HYDIN: variants seen among roughly 807,000 people sequenced by gnomAD.
HYDIN encodes the protein axonemal central pair apparatus protein HYDIN.
HYDIN carries 132 observed loss-of-function variants against 403.9 expected under a neutral mutation model. The observed-to-expected ratio is 0.33, with a 90% confidence interval of 0.28 to 0.38. HYDIN has a LOEUF of 0.38. Ranked by LOEUF, HYDIN falls within the 10% of genes least tolerant of loss-of-function variation. HYDIN has a pLI of 1.00. For synonymous variants in HYDIN, 1,202 were observed against 1,891.7 expected (o/e 0.64, Z 9.46); for missense variants, 2,827 against 5,009.5 (o/e 0.56, Z 13.15).
intron 84 of HYDIN, among the ~76,000 whole-genome samples, chr16:70,816,299 AT>A (rs987090878): frequency 6.6e-6 from 1 of 152,188 alleles, no homozygotes; most frequent in African/African-American, 2.4e-5. Context: ...AACTAGAAAA[AT>A]CCACATGTTC....
chr16:71,102,285 T>C (rs2083480189), intron 10 of HYDIN, among the ~76,000 whole-genome samples: 1 of 152,068 alleles, frequency 6.6e-6, no homozygotes, highest in Non-Finnish European at 1.5e-5. Context: ...CACAGTTGTT[T>C]ATCTTACTAT....
intron 20 of HYDIN, chr16:71,027,265 A>C (rs1358196744): frequency 8.3e-7 from 1 of 1,202,964 alleles, no homozygotes. Context: ...TTTTGAATGA[A>C]TATTAAATTC....
intron 62 of HYDIN, among the ~76,000 whole-genome samples, chr16:70,877,715 G>A (rs1344652826): frequency 6.6e-6 from 1 of 152,092 alleles, no homozygotes; most frequent in East Asian, 1.9e-4. Context: ...GTGAGTGATG[G>A]GGTGTGGCTG....
chr16:71,133,692 T>C (rs867718052), intron 8 of HYDIN, among the ~76,000 whole-genome samples: 2 of 152,104 alleles, frequency 1.3e-5, no homozygotes, highest in Admixed American at 6.5e-5. Flanking sequence ...TTAAAGCCCA[T>C]GCCAAGTCTC....
At chr16:71,094,784 T>C (rs1341541173) in intron 10 of HYDIN, among the ~76,000 whole-genome samples, 1 of 152,222 alleles carries the variant, frequency 6.6e-6, no homozygotes, top group African/African-American at 2.4e-5. Context: ...CAATGTGCCT[T>C]CTGTATTTGT....
intron 15 of HYDIN, 186 bp downstream of exon 15, chr16:71,067,104 C>T (rs966873959): frequency 1.7e-6 from 1 of 601,066 alleles, no homozygotes; most frequent in Admixed American, 2.9e-5. Flanking sequence ...TTCTTCTTAT[C>T]TCCACCAAAG....
intron 75 of HYDIN, among the ~76,000 whole-genome samples, chr16:70,844,768 T>G (rs1443414997): frequency 7.0e-6 from 1 of 143,064 alleles, no homozygotes; most frequent in African/African-American, 2.6e-5. Context: ...ACATCCCTTG[T>G]AAGTTGGATT....
At chr16:70,863,865 C>G (rs2039561628) in intron 67 of HYDIN, among the ~76,000 whole-genome samples, 4 of 152,038 alleles carry the variant, frequency 2.6e-5, no homozygotes, top group Admixed American at 2.6e-4. Flanking sequence ...GAGCGAGACT[C>G]TGTCGAAAGA....
At chr16:71,012,643 C>A (rs2080126801) in intron 23 of HYDIN, among the ~76,000 whole-genome samples, 1 of 152,178 alleles carries the variant, frequency 6.6e-6, no homozygotes, top group South Asian at 2.1e-4. Flanking sequence ...TCTAGGCGAC[C>A]TCAGACCTAT....
rs4788601 is a variant in HYDIN, at chr16:70,960,971, G to A, written c.5968+988C>T. On this transcript the variant is annotated intron_variant, in intron 38 of 85. Coordinates refer to ENST00000393567, the MANE Select transcript of HYDIN (RefSeq NM_001270974.2). ...CTCCCAAAGTGCTGGAATTACAGGC[G>A]TGAGCCACCTTGCCCGGCCTAGCTC... is the stretch of plus-strand genomic sequence containing the variant. Among the ~76,000 whole-genome samples the A allele has an allele frequency of 7.2e-5, 11 of 152,374 alleles. No homozygotes were observed. In the South Asian group the frequency reaches 8.3e-4, roughly 11 times the overall value.
At chr16:70,922,864 C>T (rs1423146981) in intron 45 of HYDIN, among the ~76,000 whole-genome samples, 3 of 137,966 alleles carry the variant, frequency 2.2e-5, no homozygotes, top group African/African-American at 8.2e-5. Context: ...ATTTTCTGGG[C>T]TCGGTAATTC....
At position 71,073,419 on chromosome 16, in the gene HYDIN, C is replaced by T. The variant is rs140788311; in HGVS notation, c.1739-3917G>A. Reference sequence around the variant, plus strand: ...CTGTGATCATTACAATCCGGTTTTGCTCCCGACTCCCTACTTTACACCCTC... The same window carrying T: ...CTGTGATCATTACAATCCGGTTTTGTTCCCGACTCCCTACTTTACACCCTC... On this transcript the variant is annotated intron_variant, in intron 13 of 85. Transcript: ENST00000393567. 6.9e-3 allele frequency among the ~76,000 whole-genome samples: 1,049 copies of T among 152,238 alleles called. 6 individuals carry two copies. The highest frequency in any genetic ancestry group is 0.024 in the African/African-American group (1,004 of 41,538).
In HYDIN at chr16:70,961,980, G is replaced by A. The variant is rs1432083452; in HGVS notation, c.5947C>T (p.Leu1983=). 3.2e-6 allele frequency: 4 copies of A among 1,265,796 alleles called. No individual in the cohort carries two copies. In the South Asian group the frequency reaches 6.7e-5, roughly 21 times the overall value. The allele number at this position is 1,265,796 out of a possible 1,614,324, so 78.4% of individuals were successfully genotyped here. Residue 1983 remains leucine, a synonymous_variant, in exon 38 of 86, where the codon CTG becomes TTG. Transcript: ENST00000393567. ...YLEEEEDEES[L]EKIIFQTDKL... ...TTACTTTGGAAAATGATTTTTTCCA[G>A]GCTTTCCTCATCCTCCTCTTCCTCT...
chr16:70,929,945 G>A (rs1004424819), intron 45 of HYDIN, among the ~76,000 whole-genome samples: 60 of 152,328 alleles, frequency 3.9e-4, no homozygotes, highest in Non-Finnish European at 5.6e-4. Context: ...GTTCTCATGC[G>A]TGGGAATGAA....
intron 19 of HYDIN, 101 bp downstream of exon 19, chr16:71,031,578 C>T (rs2080913332): frequency 6.8e-6 from 9 of 1,331,104 alleles, no homozygotes; most frequent in Non-Finnish European, 8.0e-6. Flanking sequence ...ACTGAGGTGG[C>T]TAGTTTTAAT....
intron 23 of HYDIN, among the ~76,000 whole-genome samples, chr16:70,996,791 C>T (rs1973625): frequency 1.3e-5 from 2 of 150,578 alleles, no homozygotes; most frequent in Non-Finnish European, 3.0e-5. Context: ...TGCAAAGCAG[C>T]GGTCCCCAAC....
At chr16:71,222,001 C>A (rs1277044167) in intron 1 of HYDIN, among the ~76,000 whole-genome samples, 1 of 152,082 alleles carries the variant, frequency 6.6e-6, no homozygotes, top group Non-Finnish European at 1.5e-5. Flanking sequence ...TATTTTTGTA[C>A]CTCATTTCTA....
intron 1 of HYDIN, among the ~76,000 whole-genome samples, chr16:71,195,395 A>G (rs1193843625): frequency 1.3e-5 from 2 of 152,342 alleles, no homozygotes; most frequent in South Asian, 2.1e-4. Flanking sequence ...GGCAAGGGCT[A>G]CTATACTCTG....
intron 53 of HYDIN, among the ~76,000 whole-genome samples, chr16:70,898,665 G>A (rs201523982): frequency 6.6e-6 from 1 of 152,114 alleles, no homozygotes; most frequent in African/African-American, 2.4e-5. Flanking sequence ...TGCTTTAAGC[G>A]GTAGTGGTAA....
Sources: gnomAD v4.1 joint callset for allele counts (sites outside exome capture counted in the v4.1 genomes callset) on GRCh38, gnomAD v4.1.1 for gene constraint, MANE v1.5 for transcripts, NCBI Gene and HGNC (gene_info 2026-07-23, HGNC 2026-07-21) for gene names.